Variants in CALR3 observed in about 807,000 individuals in gnomAD.
CALR3 encodes calreticulin-3.
CALR3 carries 39 observed loss-of-function variants against 48.7 expected under a neutral mutation model. That is an observed-to-expected ratio of 0.80 (90% CI 0.62 to 1.05). The LOEUF is 1.05. CALR3 is among the 50% of genes least tolerant of loss of function. The pLI, the probability that CALR3 is intolerant of heterozygous loss-of-function variation, is 0.00. For synonymous variants in CALR3, 185 were observed against 172.7 expected, an observed-to-expected ratio of 1.07 and a Z score of -0.56; for missense variants, 449 against 474.7, an observed-to-expected ratio of 0.95 and a Z score of 0.50.
chr19:16,493,989 C>T (rs554170091), intron 2 of CALR3, among the ~76,000 whole-genome samples: 1 of 152,210 alleles, frequency 6.6e-6, no homozygotes, highest in South Asian at 2.1e-4. Context: ...CCTGCCTGTA[C>T]AAAAGTAAAA....
rs752368241 is a variant in CALR3, at chr19:16,484,153, C to T, written c.493-38G>A. ...GGGGGAAAAGCGTAACAATTAAATC[C>T]TCAATTTCTTTTTTCTTTTCTTTTC... is the stretch of plus-strand genomic sequence containing the variant. On this transcript the variant is annotated intron_variant, in intron 4 of 8. Coordinates refer to ENST00000269881, the MANE Select transcript of CALR3 (RefSeq NM_145046.5). The T allele has an allele frequency of 3.3e-5, 51 of 1,529,372 alleles. 1 individual carries two copies. The highest frequency in any genetic ancestry group is 4.4e-5 in the Non-Finnish European group (49 of 1,119,144). 94.7% of individuals were successfully genotyped at this position (1,529,372 alleles called of 1,614,324 possible). A position where few individuals can be genotyped will look rare whatever the true frequency, so the allele number is the denominator to read the frequency against.
intron 3 of CALR3, among the ~76,000 whole-genome samples, chr19:16,488,320 G>A (rs2093392309): frequency 6.6e-6 from 1 of 152,160 alleles, no homozygotes; most frequent in Admixed American, 6.6e-5. Flanking sequence ...CTGGACTCAA[G>A]TAATCCTCCT....
At chr19:16,483,853 G>T in intron 5 of CALR3, 77 bp downstream of exon 5, 4 of 1,466,632 alleles carry the variant, frequency 2.7e-6, no homozygotes, top group Non-Finnish European at 3.8e-6. Context: ...TACCAGCCAT[G>T]CAGCAATTGT....
rs1233176565 is a variant in CALR3 at position 16,480,684 on chromosome 19, T to A, written c.941A>T (p.Asp314Val). The A allele has an allele frequency of 1.2e-6, 2 of 1,613,786 alleles. No individual in the cohort carries two copies. Among genetic ancestry groups the A allele is most frequent in the Non-Finnish European group, 1.7e-6 (2 of 1,179,684 alleles). Residue 314 changes from aspartate (D) to valine (V), a missense_variant, in exon 8 of 9, where the codon GAT becomes GTT. Asp to Val is a radical substitution (Grantham distance 152). Coordinates refer to ENST00000269881, the MANE Select transcript of CALR3 (RefSeq NM_145046.5). ...TTCATCATCTGTGATCAGAAAGTTA[T>A]CAAAAATGGTTCCAGATCTCACCTG... ...LWQVRSGTIF[D>V]NFLITDDEEY...
chr19:16,490,664 TA>T, intron 2 of CALR3, 94 bp from the exon 3 acceptor site: 1 of 1,095,190 alleles, frequency 9.1e-7, no homozygotes, highest in South Asian at 1.3e-5. Flanking sequence ...CTCCCAAACA[TA>T]AATGTCCTAA....
rs67714289 is a variant in CALR3 at position 16,479,429 on chromosome 19, C to CAA, written c.1012-157_1012-156dup. On this transcript the variant is annotated intron_variant, in intron 8 of 8. Coordinates refer to ENST00000269881, the MANE Select transcript of CALR3 (RefSeq NM_145046.5). ...TGAAACACAGTCTCTACCAAAAATACAAAAAAAAAAAAGCCAGGCGTGGTG... is the reference window on the plus strand; with the variant it reads ...TGAAACACAGTCTCTACCAAAAATACAAAAAAAAAAAAAAGCCAGGCGTGGTG... 2.4e-3 allele frequency among the ~76,000 whole-genome samples: 341 copies of CAA among 143,192 alleles called. 1 individual carries two copies. Among genetic ancestry groups the CAA allele is most frequent in the Non-Finnish European group, 3.2e-3 (211 of 65,986 alleles). 93.9% of individuals were successfully genotyped at this position (143,192 alleles called of 152,430 possible).
At chr19:16,493,762 C>T (rs1599722487) in intron 2 of CALR3, among the ~76,000 whole-genome samples, 1 of 151,798 alleles carries the variant, frequency 6.6e-6, no homozygotes, top group Non-Finnish European at 1.5e-5. Context: ...GAGTCTTGCT[C>T]GGTTATCCAG....
chr19:16,494,554 G>T (rs2093402970), intron 2 of CALR3, among the ~76,000 whole-genome samples: 1 of 151,242 alleles, frequency 6.6e-6, no homozygotes, highest in African/African-American at 2.4e-5. Flanking sequence ...TAGAGACAGG[G>T]TGTCACCGTA....
In CALR3 at chr19:16,490,578, C is replaced by A. The variant is rs1467553305; in HGVS notation, c.194-8G>T. On this transcript the variant is annotated splice_polypyrimidine_tract_variant and splice_region_variant and intron_variant, in intron 2 of 8. Transcript: ENST00000269881. Reference sequence around the variant, plus strand: ...TCTGAGTGGTTTGCAGACCTTTGAACAAAATATACTCATGAAGGATCAGGA... The same window carrying A: ...TCTGAGTGGTTTGCAGACCTTTGAAAAAAATATACTCATGAAGGATCAGGA... 6.2e-7 allele frequency: 1 copy of A among 1,612,400 alleles called. No individual in the cohort carries two copies. Among genetic ancestry groups the A allele is most frequent in the Non-Finnish European group, 8.5e-7 (1 of 1,178,536 alleles).
intron 7 of CALR3, among the ~76,000 whole-genome samples, chr19:16,481,309 T>C (rs1453767449): frequency 6.6e-6 from 1 of 152,180 alleles, no homozygotes; most frequent in Non-Finnish European, 1.5e-5. Context: ...GAAACAGTTG[T>C]ATTTTGCTCA....
intron 5 of CALR3, 122 bp downstream of exon 5, chr19:16,483,808 G>A: frequency 1.1e-6 from 1 of 900,928 alleles, no homozygotes; most frequent in South Asian, 1.4e-5. Context: ...GTGCTCTGGG[G>A]AGGGCATTTG....
At chr19:16,485,331 CTT>C (rs769813201) in intron 3 of CALR3, 74 bp from the exon 4 acceptor site, 1,285 of 752,252 alleles carry the variant, frequency 1.7e-3, no homozygotes, top group Non-Finnish European at 2.0e-3. Context: ...CACAACCATT[CTT>C]TTTTTTTTTT....
At chr19:16,495,707 G>T (rs2093406745) in intron 2 of CALR3, 44 bp downstream of exon 2, 1 of 1,466,184 alleles carries the variant, frequency 6.8e-7, no homozygotes, top group Non-Finnish European at 9.6e-7. Context: ...GGTTGCTATG[G>T]AAATGTAACA....
chr19:16,482,563 C>T lies in CALR3; in HGVS notation c.805G>A (p.Gly269Ser), dbSNP rs2093382655. 6.2e-7 allele frequency: 1 copy of T among 1,614,160 alleles called. No individual in the cohort carries two copies. The highest frequency in any genetic ancestry group is 1.1e-5 in the South Asian group (1 of 91,082). ...PPYQDGLKPE[G>S]IHKDVWLHRK... ...TGGAGCCAGACGTCTTTATGAATAC[C>T]TTCTGGTTTCAGGCCATCCTGTATC... The change falls in exon 7 of 9, where the codon GGT becomes AGT. Residue 269 changes from glycine to serine, a missense_variant. By Grantham distance (56) the Gly-to-Ser change is moderately conservative. Coordinates refer to ENST00000269881, the MANE Select transcript of CALR3 (RefSeq NM_145046.5).
rs537779352 is a variant in CALR3, at chr19:16,480,966, G to T, written c.919-260C>A. On this transcript the variant is annotated intron_variant, in intron 7 of 8. Transcript: ENST00000269881. ...AGGTCAGGAGTTCAAGACTAGCCTG[G>T]CCAACACGGTGAACCCCATCTCTAT... Among the ~76,000 whole-genome samples, 173 of 152,070 alleles carry T rather than the reference G, an allele frequency of 1.1e-3. 2 individuals carry two copies. The Middle Eastern group carries it at 0.024, about 21-fold the overall frequency.
chr19:16,479,172 C>A lies in CALR3; in HGVS notation c.1114G>T (p.Glu372Ter), dbSNP rs140440387. 1.5e-5 allele frequency: 24 copies of A among 1,613,982 alleles called. No individual in the cohort carries two copies. Among genetic ancestry groups the A allele is most frequent in the South Asian group, 8.8e-5 (8 of 91,074 alleles). The change falls in exon 9 of 9, where the codon GAA becomes TAA. Residue 372 changes from glutamate to a stop codon, truncating the protein, a stop_gained. Transcript: ENST00000269881. LOFTEE classifies it low-confidence loss of function (END_TRUNC). ...ELLSGKINRH[E>*]HYFNQFHRRN... ...CTGTGAAATTGATTGAAGTAATGTT[C>A]GTGCCTGTTAATTTTTCCCGACAGC... is the stretch of plus-strand genomic sequence containing the variant.
At chr19:16,490,644 C>T in intron 2 of CALR3, 74 bp from the exon 3 acceptor site, 1 of 1,262,594 alleles carries the variant, frequency 7.9e-7, no homozygotes, top group Non-Finnish European at 1.2e-6. Context: ...AAATCGATGT[C>T]CTTCCCTTAC....
At chr19:16,496,005 T>G in intron 1 of CALR3, 34 bp downstream of exon 1, 1 of 1,570,886 alleles carries the variant, frequency 6.4e-7, no homozygotes, top group Non-Finnish European at 8.7e-7. Flanking sequence ...TGGGGGAGCT[T>G]ACACCTCCGC....
At chr19:16,480,918 G>T (rs756165635) in intron 7 of CALR3, among the ~76,000 whole-genome samples, 1 of 152,116 alleles carries the variant, frequency 6.6e-6, no homozygotes, top group Non-Finnish European at 1.5e-5. Context: ...CACTTTGGGA[G>T]GCTGGGGCAG....
Sources: gnomAD v4.1 joint callset for allele counts (sites outside exome capture counted in the v4.1 genomes callset) on GRCh38, gnomAD v4.1.1 for gene constraint, MANE v1.5 for transcripts, NCBI Gene and HGNC (gene_info 2026-07-23, HGNC 2026-07-21) for gene names.